Variants in KCNT1 observed in about 807,000 individuals in gnomAD.
The protein encoded by KCNT1 is potassium sodium-activated channel subfamily T member 1.
Under a neutral mutation model 147.8 loss-of-function variants are expected in KCNT1, and 78 were observed. The ratio of observed to expected loss-of-function variants is 0.53; its 90% CI spans 0.44 to 0.64. The LOEUF (loss-of-function observed/expected upper bound fraction) is 0.64. Ranked by LOEUF, KCNT1 falls within the 30% of genes least tolerant of loss-of-function variation. KCNT1 has a pLI of 0.00. For synonymous variants in KCNT1, 867 were observed against 748.8 expected (o/e 1.16, Z -2.58); for missense variants, 1,419 against 1,750.3 (o/e 0.81, Z 3.38).
chr9:135,728,374 G>T (rs1836301779), intron 2 of KCNT1, among the ~76,000 whole-genome samples: 1 of 152,234 alleles, frequency 6.6e-6, no homozygotes, highest in African/African-American at 2.4e-5. Context: ...AGATTCACCT[G>T]GTTTCTATGT....
At chr9:135,732,722 GGGTT>G (rs1830151899) in intron 2 of KCNT1, among the ~76,000 whole-genome samples, 1 of 151,396 alleles carries the variant, frequency 6.6e-6, no homozygotes, top group Non-Finnish European at 1.5e-5. Context: ...ATTGTTGGCC[GGGTT>G]CTTTGTCTGC....
At chr9:135,786,063 C>G in intron 28 of KCNT1, 134 bp from the exon 29 acceptor site, 1 of 745,742 alleles carries the variant, frequency 1.3e-6, no homozygotes, top group Non-Finnish European at 2.2e-6. Flanking sequence ...GTCCTCTTCC[C>G]TAACACCCCC....
chr9:135,745,637 A>G (rs1368074651), intron 2 of KCNT1, among the ~76,000 whole-genome samples: 1 of 152,202 alleles, frequency 6.6e-6, no homozygotes. Flanking sequence ...CATTGTTTCT[A>G]TCTCAGCACA....
chr9:135,745,965 G>A lies in KCNT1; in HGVS notation c.255-4133G>A, dbSNP rs375813955. 5.3e-5 allele frequency among the ~76,000 whole-genome samples: 8 copies of A among 152,332 alleles called. 1 individual carries two copies. The South Asian group carries it at 6.2e-4, about 12-fold the overall frequency. ...ACCACCAGGCGGGTCTACCCCAGCC[G>A]GGTCGGCCTAGAGCTGACCCCAGCC... On this transcript the variant is annotated intron_variant, in intron 2 of 30. Transcript: ENST00000371757.
At position 135,792,134 on chromosome 9, in the gene KCNT1, C is replaced by T. The variant is rs149049198; in HGVS notation, c.3681C>T (p.Pro1227=). 198 of 1,605,900 alleles carry T rather than the reference C, an allele frequency of 1.2e-4. 2 individuals carry two copies. The highest frequency in any genetic ancestry group is 9.9e-4 in the African/African-American group (74 of 75,022). The change falls in exon 31 of 31, where the codon CCC becomes CCT. Residue 1227 remains proline, a synonymous_variant. Transcript: ENST00000371757. ...GCCACAAGCTGTCGTCCTGCAACCC[C>T]GAGACTCGCGACGAGACACAGCTCT... ...SCSHKLSSCN[P]ETRDETQL is the part of the protein sequence containing the mutation.
rs1025871362 is a variant in KCNT1, at chr9:135,730,517, T to A, written c.254+15797T>A. On this transcript the variant is annotated intron_variant, in intron 2 of 30. Transcript: ENST00000371757. The surrounding 1 kb of genome is among the most constrained non-coding windows in gnomAD (Gnocchi z 4.7). Reference sequence around the variant, plus strand: ...GGTTCAGAGTCGCTGGAGAAGGAGATGAGCAGGGGAAGCAAGGACTGGAGC... The same window carrying A: ...GGTTCAGAGTCGCTGGAGAAGGAGAAGAGCAGGGGAAGCAAGGACTGGAGC... Among the ~76,000 whole-genome samples, 2 of 151,942 alleles carry A rather than the reference T, an allele frequency of 1.3e-5. No individual in the cohort carries two copies. Among genetic ancestry groups the A allele is most frequent in the Non-Finnish European group, 2.9e-5 (2 of 67,970 alleles).
chr9:135,760,459 G>A (rs1427409200), intron 11 of KCNT1, among the ~76,000 whole-genome samples: 1 of 152,204 alleles, frequency 6.6e-6, no homozygotes, highest in African/African-American at 2.4e-5. Flanking sequence ...GGAGATGGGA[G>A]AAGGAGGGGA....
intron 6 of KCNT1, among the ~76,000 whole-genome samples, chr9:135,756,192 G>C: frequency 6.6e-6 from 1 of 151,884 alleles, no homozygotes; most frequent in Non-Finnish European, 1.5e-5. Context: ...GTAAGCAGGG[G>C]TCCCAGGTTC....
chr9:135,758,210 G>C (rs1468446714), intron 9 of KCNT1, among the ~76,000 whole-genome samples: 1 of 147,898 alleles, frequency 6.8e-6, no homozygotes, highest in Non-Finnish European at 1.5e-5. Flanking sequence ...CCTCAGCCGA[G>C]ACGCAGGTGT....
chr9:135,789,930 C>T (rs1050709266), intron 29 of KCNT1: 10 of 152,260 alleles, frequency 6.6e-5, no homozygotes, highest in African/African-American at 2.4e-4. Flanking sequence ...CAGCCAGGAC[C>T]AGTGCCATGT....
chr9:135,720,225 C>T (rs1214463617), intron 2 of KCNT1, among the ~76,000 whole-genome samples: 10 of 151,960 alleles, frequency 6.6e-5, no homozygotes, highest in African/African-American at 2.2e-4. Flanking sequence ...TCCAGCTGCC[C>T]CGCAGGGACA....
chr9:135,717,633 C>G (rs1835773791), intron 2 of KCNT1, among the ~76,000 whole-genome samples: 1 of 152,186 alleles, frequency 6.6e-6, no homozygotes, highest in African/African-American at 2.4e-5. Context: ...CGCTGCCCGG[C>G]ACAGCTGAAC....
intron 28 of KCNT1, chr9:135,785,800 C>T (rs1833999617): frequency 4.8e-6 from 2 of 414,918 alleles, no homozygotes; most frequent in Non-Finnish European, 8.8e-6. Context: ...GGCTCATCTG[C>T]AGATGGAGAA....
chr9:135,778,159 G>GGGACCCTA (rs1361760043), intron 21 of KCNT1, among the ~76,000 whole-genome samples: 4 of 152,162 alleles, frequency 2.6e-5, no homozygotes, highest in Non-Finnish European at 5.9e-5. Context: ...TTTTGCCCAG[G>GGGACCCTA]GGACCCTAGG....
chr9:135,750,045 C>A (rs1211672837), intron 2 of KCNT1, 53 bp from the exon 3 acceptor site: 6 of 1,470,090 alleles, frequency 4.1e-6, no homozygotes, highest in South Asian at 1.1e-5. Flanking sequence ...GGCGTGTCCC[C>A]AGCCTGAGTC....
chr9:135,703,675 C>T (rs912960278), intron 1 of KCNT1, among the ~76,000 whole-genome samples: 14 of 152,196 alleles, frequency 9.2e-5, no homozygotes, highest in Admixed American at 6.5e-4. Context: ...GTGGGCTGGC[C>T]GGCCCCTACC....
At chr9:135,773,095 G>A in intron 19 of KCNT1, 146 bp downstream of exon 19, 1 of 564,584 alleles carries the variant, frequency 1.8e-6, no homozygotes, top group Non-Finnish European at 2.9e-6. Context: ...TTTGACAAAT[G>A]AAATCTTCAG....
chr9:135,790,737 G>A (rs1382309783), intron 29 of KCNT1: 1 of 152,482 alleles, frequency 6.6e-6, no homozygotes, highest in African/African-American at 2.4e-5. Context: ...GCAGCAGCCA[G>A]GGTGGAGGCT....
chr9:135,731,072 C>T (rs899687435), intron 2 of KCNT1, among the ~76,000 whole-genome samples: 7 of 151,452 alleles, frequency 4.6e-5, no homozygotes, highest in African/African-American at 1.2e-4. Context: ...GAAGCCCACA[C>T]GCCATGTTTG....
Sources: gnomAD v4.1 joint callset for allele counts (sites outside exome capture counted in the v4.1 genomes callset) on GRCh38, gnomAD v4.1.1 for gene constraint, Gnocchi (gnomAD v3.1) non-coding constraint, MANE v1.5 for transcripts, NCBI Gene and HGNC (gene_info 2026-07-23, HGNC 2026-07-21) for gene names.